Variants in KANSL1L observed in about 807,000 individuals in gnomAD.
KANSL1L encodes KAT8 regulatory NSL complex subunit 1 like, also known as KAT8 regulatory NSL complex subunit 1-like protein.
In KANSL1L, 25 loss-of-function variants were observed where a neutral mutation model predicts 108.6. The observed-to-expected ratio is 0.23, with a 90% CI of 0.17 to 0.32. The LOEUF (loss-of-function observed/expected upper bound fraction) is 0.32. KANSL1L is among the 10% of genes least tolerant of loss of function. The pLI is 1.00. For missense variants in KANSL1L, 1,137 were observed against 1,125.7 expected (o/e 1.01, Z -0.14); for synonymous variants, 405 against 395.1 (o/e 1.03, Z -0.30).
chr2:210,022,981 G>C lies in KANSL1L; in HGVS notation c.2932C>G (p.Leu978Val), dbSNP rs747592516. 6.2e-7 allele frequency: 1 copy of C among 1,613,560 alleles called. No homozygotes were observed. The highest frequency in any genetic ancestry group is 1.1e-5 in the South Asian group (1 of 91,044). The part of the protein sequence containing the change: ...DGMEEYKTFG[L>V]GLTNVKKNR Reference sequence around the variant, plus strand: ...TTTTTTTTAACATTAGTAAGTCCTAGACCAAAGGTTTTGTATTCTTCCATT... The same window carrying C: ...TTTTTTTTAACATTAGTAAGTCCTACACCAAAGGTTTTGTATTCTTCCATT... Residue 978 changes from leucine to valine, a missense_variant, in exon 15 of 15, where the codon CTA becomes GTA. Coordinates refer to ENST00000281772, the MANE Select transcript of KANSL1L (RefSeq NM_152519.4).
At chr2:210,088,634 C>T (rs2094662163) in intron 5 of KANSL1L, 1 of 152,674 alleles carries the variant, frequency 6.5e-6, no homozygotes, top group Non-Finnish European at 1.5e-5. Context: ...CAAGCCAGCT[C>T]CCAGGAGCAC....
chr2:210,172,660 G>A (rs747485558), upstream of KANSL1L, among the ~76,000 whole-genome samples: 3 of 152,176 alleles, frequency 2.0e-5, no homozygotes, highest in Non-Finnish European at 2.9e-5. Context: ...CTAATGATGT[G>A]TTGTGAAAAA....
In KANSL1L at chr2:210,152,406, T is replaced by C. The variant is rs960275726; in HGVS notation, c.1088+1089A>G. On this transcript the variant is annotated intron_variant, in intron 2 of 14. Transcript: ENST00000281772. ...CCACATAAGTCTAGTGCCTATTAGA[T>C]GGCATAGACATAAAAGATTTCCAAC... 4.6e-5 allele frequency: 7 copies of C among 152,248 alleles called. No homozygotes were observed. In the East Asian group the frequency reaches 1.3e-3, roughly 29 times the overall value. The allele number at this position is 152,248 out of a possible 1,614,324, so 9.4% of individuals were successfully genotyped here.
chr2:210,089,251 C>G (rs2094669117), intron 5 of KANSL1L, among the ~76,000 whole-genome samples: 1 of 152,128 alleles, frequency 6.6e-6, no homozygotes, highest in Non-Finnish European at 1.5e-5. Flanking sequence ...ATACCTCTTT[C>G]CATATAGTTT....
intron 5 of KANSL1L, chr2:210,088,693 G>A (rs2094662789): frequency 6.5e-6 from 1 of 152,704 alleles, no homozygotes; most frequent in East Asian, 1.9e-4. Flanking sequence ...TGATTTTCCT[G>A]AAGCAGGTGG....
At chr2:210,072,477 C>T (rs1051005357) in intron 6 of KANSL1L, among the ~76,000 whole-genome samples, 4 of 152,180 alleles carry the variant, frequency 2.6e-5, no homozygotes, top group Admixed American at 2.0e-4. Context: ...ACTTTTTTGG[C>T]AACAGGGACC....
At chr2:210,028,991 G>A in intron 10 of KANSL1L, 22 bp from the exon 11 acceptor site, 2 of 1,591,832 alleles carry the variant, frequency 1.3e-6, no homozygotes, top group Non-Finnish European at 1.7e-6. Context: ...GATTACAGTA[G>A]ATTTACAGTA....
intron 6 of KANSL1L, among the ~76,000 whole-genome samples, chr2:210,048,695 A>G (rs1469163988): frequency 6.7e-6 from 1 of 148,524 alleles, no homozygotes; most frequent in Non-Finnish European, 1.5e-5. Context: ...ATTTCTACTG[A>G]CTCTCATCAT....
intron 5 of KANSL1L, chr2:210,088,839 T>C (rs2094664700): frequency 6.6e-6 from 1 of 152,304 alleles, no homozygotes; most frequent in South Asian, 2.1e-4. Flanking sequence ...ATCATACTGA[T>C]GCTTACTTTA....
At chr2:210,026,097 A>C (rs1354021962) in intron 12 of KANSL1L, among the ~76,000 whole-genome samples, 1 of 152,236 alleles carries the variant, frequency 6.6e-6, no homozygotes, top group Non-Finnish European at 1.5e-5. Context: ...AACCTGGAAT[A>C]CTACCTTAGT....
chr2:210,131,713 T>C (rs1425007034), intron 2 of KANSL1L, among the ~76,000 whole-genome samples: 4 of 151,792 alleles, frequency 2.6e-5, no homozygotes, highest in Non-Finnish European at 4.4e-5. Context: ...AATTTTCTTT[T>C]TTTTTTTTTT....
chr2:210,079,674 G>GTATATA (rs1208859670), intron 5 of KANSL1L: 4 of 15,862 alleles, frequency 2.5e-4, no homozygotes, highest in Non-Finnish European at 3.5e-4. Context: ...ATGTATGTGT[G>GTATATA]TATATATATA....
intron 3 of KANSL1L, among the ~76,000 whole-genome samples, chr2:210,111,977 T>C (rs938237680): frequency 6.0e-5 from 9 of 149,982 alleles, no homozygotes; most frequent in African/African-American, 2.0e-4. Flanking sequence ...AGTGAGAACA[T>C]GCGGTGTTTG....
At chr2:210,071,762 C>T (rs2094509365) in intron 6 of KANSL1L, among the ~76,000 whole-genome samples, 1 of 152,156 alleles carries the variant, frequency 6.6e-6, no homozygotes, top group Non-Finnish European at 1.5e-5. Context: ...TTCCTAGGAA[C>T]CAGGAGTTAG....
intron 3 of KANSL1L, among the ~76,000 whole-genome samples, chr2:210,105,691 T>C (rs1003491295): frequency 6.6e-6 from 1 of 151,964 alleles, no homozygotes; most frequent in African/African-American, 2.4e-5. Context: ...ATTAAATGTA[T>C]ATTTTATTAT....
intron 6 of KANSL1L, among the ~76,000 whole-genome samples, chr2:210,074,698 C>A (rs972223491): frequency 6.6e-6 from 1 of 152,118 alleles, no homozygotes; most frequent in East Asian, 1.9e-4. Flanking sequence ...AATCCACATT[C>A]CTATTTATAA....
At chr2:210,105,900 A>T (rs989265781) in intron 3 of KANSL1L, among the ~76,000 whole-genome samples, 26 of 152,078 alleles carry the variant, frequency 1.7e-4, no homozygotes, top group African/African-American at 5.8e-4. Flanking sequence ...TTTGGTATTT[A>T]AAAAAATAAA....
chr2:210,111,606 T>C (rs963923765), intron 3 of KANSL1L, among the ~76,000 whole-genome samples: 2 of 152,198 alleles, frequency 1.3e-5, no homozygotes, highest in South Asian at 2.1e-4. Flanking sequence ...GTGAACTGTA[T>C]AGTTAAAAAT....
chr2:210,062,533 G>A (rs1484100490), intron 6 of KANSL1L, among the ~76,000 whole-genome samples: 2 of 152,198 alleles, frequency 1.3e-5, no homozygotes, highest in East Asian at 3.9e-4. Flanking sequence ...GAACTCCCTA[G>A]AGATTTGTTG....
Sources: gnomAD v4.1 joint callset for allele counts (sites outside exome capture counted in the v4.1 genomes callset) on GRCh38, gnomAD v4.1.1 for gene constraint, MANE v1.5 for transcripts, NCBI Gene and HGNC (gene_info 2026-07-23, HGNC 2026-07-21) for gene names.